The following CAPN9 variants were observed in gnomAD, a reference collection of about 807,000 sequenced individuals.
The protein encoded by CAPN9 is calpain 9.
A neutral mutation model predicts 92.8 loss-of-function variants in CAPN9; 81 were observed. That is an observed-to-expected ratio of 0.87 (90% CI 0.73 to 1.05). The LOEUF is 1.05. Ranked by LOEUF, CAPN9 falls within the 50% of genes least tolerant of loss-of-function variation. The pLI is 0.00. For missense variants in CAPN9, 848 were observed against 866.2 expected, an observed-to-expected ratio of 0.98 and a Z score of 0.26; for synonymous variants, 304 against 328.0, an observed-to-expected ratio of 0.93 and a Z score of 0.79.
intron 1 of CAPN9, among the ~76,000 whole-genome samples, chr1:230,748,532 A>G (rs889502230): frequency 2.0e-5 from 3 of 152,108 alleles, no homozygotes; most frequent in African/African-American, 7.2e-5. Flanking sequence ...TTATCCTGAC[A>G]ATTTGTCTCA....
At chr1:230,800,241 A>G (rs1301864912) in intron 19 of CAPN9, among the ~76,000 whole-genome samples, 1 of 85,392 alleles carries the variant, frequency 1.2e-5, no homozygotes, top group Non-Finnish European at 2.4e-5. Flanking sequence ...GAAGAAAGAA[A>G]GAAAGAAAGA....
At chr1:230,786,222 A>G in intron 12 of CAPN9, 1 of 967,570 alleles carries the variant, frequency 1.0e-6, no homozygotes. Context: ...CTGGCATGGG[A>G]GTGAGGTGGG....
chr1:230,759,290 T>A (rs1458937296), intron 2 of CAPN9, among the ~76,000 whole-genome samples: 1 of 152,260 alleles, frequency 6.6e-6, no homozygotes, highest in South Asian at 2.1e-4. Context: ...CCTATAACAG[T>A]GCCAAGAAGG....
intron 10 of CAPN9, 73 bp from the exon 11 acceptor site, chr1:230,780,427 G>A (rs1667139019): frequency 1.3e-6 from 2 of 1,599,526 alleles, no homozygotes; most frequent in Non-Finnish European, 1.7e-6. Context: ...ACTCAACCAA[G>A]AGTCCATGAA....
At chr1:230,787,489 C>T (rs190506015) in intron 12 of CAPN9, 33 bp from the exon 13 acceptor site, 1 of 1,578,496 alleles carries the variant, frequency 6.3e-7, no homozygotes, top group African/African-American at 1.3e-5. Context: ...TTTTGTGGAT[C>T]ATTTTGTGCA....
At position 230,774,648 on chromosome 1, in the gene CAPN9, T is replaced by C; in HGVS notation, c.953+17T>C. On this transcript the variant is annotated intron_variant, in intron 8 of 19. Transcript: ENST00000271971. ...GGAATTCTGGTACCGTGCTTGTTCC[T>C]GTGTTAACTGCAGATACGAGCAAGT... 1 of 1,589,458 alleles carries C rather than the reference T, an allele frequency of 6.3e-7. No individual in the cohort carries two copies. Among genetic ancestry groups the C allele is most frequent in the Non-Finnish European group, 8.6e-7 (1 of 1,157,540 alleles).
intron 14 of CAPN9, 109 bp downstream of exon 14, chr1:230,790,298 T>C (rs1336521218): frequency 1.4e-6 from 2 of 1,443,160 alleles, no homozygotes; most frequent in Admixed American, 2.6e-5. Flanking sequence ...TTCCCAGGGC[T>C]GATTTGTAGG....
chr1:230,791,750 A>G, intron 14 of CAPN9, 114 bp from the exon 15 acceptor site: 1 of 725,284 alleles, frequency 1.4e-6, no homozygotes, highest in South Asian at 1.8e-5. Flanking sequence ...GAGAGTAGCC[A>G]CATCACAGCC....
Position 230,762,703 on chromosome 1 carries a change from C to T in CAPN9, c.453C>T (p.Pro151=), listed in dbSNP as rs1665719568. Residue 151 remains proline, a synonymous_variant, in exon 4 of 20, where the codon CCC becomes CCT. Coordinates refer to ENST00000271971, the MANE Select transcript of CAPN9 (RefSeq NM_006615.3). ...WLDVVIDDRL[P]TFRDRLVFLH... is the part of the protein sequence containing the mutation. ...ACGTGGTGATCGATGACCGCCTGCC[C>T]ACCTTCAGGGACCGCTTGGTTTTCC... 9 of 1,614,200 alleles carry T rather than the reference C, an allele frequency of 5.6e-6. No homozygotes were observed. The highest frequency in any genetic ancestry group is 7.6e-6 in the Non-Finnish European group (9 of 1,180,030).
At chr1:230,774,082 G>T (rs921215036) in intron 7 of CAPN9, among the ~76,000 whole-genome samples, 6 of 152,186 alleles carry the variant, frequency 3.9e-5, no homozygotes, top group African/African-American at 1.2e-4. Flanking sequence ...TACAAAAGGT[G>T]CCGGGTACAG....
chr1:230,771,691 G>A (rs952804379), intron 6 of CAPN9, among the ~76,000 whole-genome samples: 1 of 152,210 alleles, frequency 6.6e-6, no homozygotes, highest in Non-Finnish European at 1.5e-5. Flanking sequence ...TCCAAGTCTA[G>A]AGAGAAACCC....
At chr1:230,800,231 G>GAAGAAAGAAAGAAAGA (rs56677043) in intron 19 of CAPN9, among the ~76,000 whole-genome samples, 34 of 51,518 alleles carry the variant, frequency 6.6e-4, no homozygotes, top group East Asian at 1.5e-3. Flanking sequence ...AAGAAAGAAA[G>GAAGAAAGAAAGAAAGA]AAGAAAGAAA....
At chr1:230,755,435 G>C in intron 2 of CAPN9, 29 bp downstream of exon 2, 4 of 1,552,778 alleles carry the variant, frequency 2.6e-6, no homozygotes, top group Non-Finnish European at 3.5e-6. Flanking sequence ...AGCATGGCGA[G>C]AGGGAGGTTG....
intron 6 of CAPN9, among the ~76,000 whole-genome samples, chr1:230,770,055 A>G (rs932155730): frequency 1.3e-5 from 2 of 152,194 alleles, no homozygotes; most frequent in African/African-American, 4.8e-5. Flanking sequence ...TTGACAATGC[A>G]GGAGGGTTGG....
intron 19 of CAPN9, among the ~76,000 whole-genome samples, chr1:230,800,658 A>C (rs1668675057): frequency 6.6e-6 from 1 of 152,074 alleles, no homozygotes; most frequent in Non-Finnish European, 1.5e-5. Context: ...TAAACCTACC[A>C]TCTTTACATC....
chr1:230,787,370 T>C, intron 12 of CAPN9, 152 bp from the exon 13 acceptor site: 1 of 613,566 alleles, frequency 1.6e-6, no homozygotes, highest in Non-Finnish European at 2.9e-6. Flanking sequence ...CATGAGAAAA[T>C]GTTCCTCACG....
At chr1:230,765,728 C>T (rs889167818) in intron 4 of CAPN9, among the ~76,000 whole-genome samples, 12 of 152,098 alleles carry the variant, frequency 7.9e-5, no homozygotes, top group Non-Finnish European at 1.5e-4. Flanking sequence ...TCAATGGGTT[C>T]ATACTAATTT....
At chr1:230,800,274 GAAAGAA>G (rs1668624953) in intron 19 of CAPN9, among the ~76,000 whole-genome samples, 1 of 132,326 alleles carries the variant, frequency 7.6e-6, no homozygotes, top group East Asian at 2.0e-4. Context: ...AAGAAAGAAA[GAAAGAA>G]AGAAAGAAAG....
chr1:230,759,348 CAGAAGGGGAGGAG>C, intron 2 of CAPN9, among the ~76,000 whole-genome samples, 151 bp from the exon 3 acceptor site: 1 of 152,314 alleles, frequency 6.6e-6, no homozygotes, highest in Middle Eastern at 3.4e-3. Context: ...GCAAGGGAGG[CAGAAGGGGAGGAG>C]AGAGTTATTT....
Sources: gnomAD v4.1 joint callset for allele counts (sites outside exome capture counted in the v4.1 genomes callset) on GRCh38, gnomAD v4.1.1 for gene constraint, MANE v1.5 for transcripts, NCBI Gene and HGNC (gene_info 2026-07-23, HGNC 2026-07-21) for gene names.